The following CTU1 variants were observed in gnomAD, a reference collection of about 807,000 sequenced individuals.
The protein encoded by CTU1 is cytosolic thiouridylase subunit 1.
A neutral mutation model predicts 12.9 loss-of-function variants in CTU1; 15 were observed. The observed-to-expected ratio is 1.16, with a 90% CI of 0.78 to 1.79. CTU1 has a LOEUF of 1.79. Ranked by LOEUF, CTU1 falls within the 40% of genes most tolerant of loss-of-function variation. CTU1 has a pLI of 0.00. For missense variants in CTU1, 553 were observed against 550.5 expected, an observed-to-expected ratio of 1.00 and a Z score of -0.05; for synonymous variants, 295 against 275.6, an observed-to-expected ratio of 1.07 and a Z score of -0.70.
At position 51,104,579 on chromosome 19, in the gene CTU1, G is replaced by A; in HGVS notation, c.-10C>T. 8.0e-7 allele frequency: 1 copy of A among 1,246,536 alleles called. No individual in the cohort carries two copies. Among genetic ancestry groups the A allele is most frequent in the South Asian group, 3.4e-5 (1 of 29,830 alleles). 77.2% of individuals were successfully genotyped at this position (1,246,536 alleles called of 1,614,324 possible). On this transcript the variant is annotated 5_prime_UTR_variant, in exon 2 of 3. Transcript: ENST00000421832. Reference sequence around the variant, plus strand: ...ACGGCGGGGCGGGCATTGCGGGAGGGGTCGGCTTCTCCTAGACAGGGAGAG... The same window carrying A: ...ACGGCGGGGCGGGCATTGCGGGAGGAGTCGGCTTCTCCTAGACAGGGAGAG...
At position 51,104,199 on chromosome 19, in the gene CTU1, C is replaced by G; in HGVS notation, c.371G>C (p.Gly124Ala). Residue 124 changes from glycine (G) to alanine (A), a missense_variant, in exon 2 of 3, where the codon GGC (glycine) becomes GCC (alanine). Transcript: ENST00000421832. The part of the protein sequence containing the change: ...TVVAYEDLFG[G>A]WTMDAVARST... ...GCGGGCCACGGCGTCCATCGTCCAG[C>G]CCCCAAAGAGGTCTTCGTAGGCCAC... 1 of 1,522,522 alleles carries G rather than the reference C, an allele frequency of 6.6e-7. No homozygotes were observed. Among genetic ancestry groups the G allele is most frequent in the Non-Finnish European group, 8.8e-7 (1 of 1,141,020 alleles). The allele number at this position is 1,522,522 out of a possible 1,614,324, so 94.3% of individuals were successfully genotyped here.
At chr19:51,101,989 C>T (rs2091908033) in intron 2 of CTU1, among the ~76,000 whole-genome samples, 1 of 152,122 alleles carries the variant, frequency 6.6e-6, no homozygotes, top group Non-Finnish European at 1.5e-5. Context: ...CTTTAAAATC[C>T]GAGGCAGCCT....
chr19:51,105,301 T>C (rs1227285072), intron 1 of CTU1, among the ~76,000 whole-genome samples: 1 of 152,106 alleles, frequency 6.6e-6, no homozygotes, highest in Non-Finnish European at 1.5e-5. Context: ...GCCTCCAAGA[T>C]TGAACTCAAC....
Position 51,105,412 on chromosome 19 carries a change from T to C in CTU1, c.-21-822A>G, listed in dbSNP as rs185137755. Among the ~76,000 whole-genome samples the C allele has an allele frequency of 7.2e-5, 11 of 152,072 alleles. No individual in the cohort carries two copies. The East Asian group carries it at 2.1e-3, about 29-fold the overall frequency. ...ATCTGTTATCTTTCCTACTTCATTC[T>C]TCCCCACCCAGCCTAGACTCCAACC... On this transcript the variant is annotated intron_variant, in intron 1 of 2. Coordinates refer to ENST00000421832, the MANE Select transcript of CTU1 (RefSeq NM_145232.4).
In CTU1 at chr19:51,102,534, T is replaced by C. The variant is rs1231406384; in HGVS notation, c.508+1528A>G. On this transcript the variant is annotated intron_variant, in intron 2 of 2. Coordinates refer to ENST00000421832, the MANE Select transcript of CTU1 (RefSeq NM_145232.4). The stretch of plus-strand genomic sequence containing the variant: ...CTTCATATGCTTTCAGTGTGCTGAT[T>C]CTCTCCAACCATCATCTCTCACCTC... 2.6e-5 allele frequency among the ~76,000 whole-genome samples: 4 copies of C among 152,192 alleles called. No homozygotes were observed. In the East Asian group the frequency reaches 7.7e-4, roughly 29 times the overall value.
In CTU1 at chr19:51,098,823, C is replaced by T. The variant is rs2091898740; in HGVS notation, c.825G>A (p.Leu275=). ...DLVHSAERLA[L]APAARPPRPG... The stretch of plus-strand genomic sequence containing the variant: ...GGCGCGGGGGCCGCGCGGCCGGGGC[C>T]AGCGCCAGGCGCTCGGCCGAGTGCA... Residue 275 remains leucine, a synonymous_variant, in exon 3 of 3, where the codon CTG becomes CTA. Coordinates refer to ENST00000421832, the MANE Select transcript of CTU1 (RefSeq NM_145232.4). This position sits in a 1 kb window ranked among gnomAD's most constrained non-coding sequence, Gnocchi z 4.3. 1.8e-6 allele frequency: 2 copies of T among 1,104,226 alleles called. No individual in the cohort carries two copies. Among genetic ancestry groups the T allele is most frequent in the Non-Finnish European group, 2.2e-6 (2 of 905,316 alleles). The allele number at this position is 1,104,226 out of a possible 1,614,324, so 68.4% of individuals were successfully genotyped here. A position where few individuals can be genotyped will look rare whatever the true frequency, so the allele number is the denominator to read the frequency against.
intron 1 of CTU1, among the ~76,000 whole-genome samples, chr19:51,107,309 A>T (rs913727139): frequency 5.3e-5 from 8 of 152,160 alleles, no homozygotes; most frequent in Admixed American, 2.0e-4. Flanking sequence ...AAAATAAATA[A>T]ATAAATTAGC....
rs1026519079 is a variant in CTU1 at position 51,104,424 on chromosome 19, G to A, written c.146C>T (p.Pro49Leu). 5.3e-5 allele frequency: 65 copies of A among 1,221,228 alleles called. No individual in the cohort carries two copies. The highest frequency in any genetic ancestry group is 5.6e-5 in the Non-Finnish European group (55 of 979,092). 75.6% of individuals were successfully genotyped at this position (1,221,228 alleles called of 1,614,324 possible). A position where few individuals can be genotyped will look rare whatever the true frequency, so the allele number is the denominator to read the frequency against. The change falls in exon 2 of 3, where the codon CCG (proline) becomes CTG (leucine). Residue 49 changes from proline to leucine, a missense_variant. By Grantham distance (98) the Pro-to-Leu change is moderately conservative. Around this residue, in one of 2 missense-constraint regions of CTU1, gnomAD observed 500 missense variants for 458.5 expected, o/e 1.09. Transcript: ENST00000421832. ...LHTVLAGRLLPPGAVVAVGAS... is the reference protein window; with the variant it reads ...LHTVLAGRLLLPGAVVAVGAS... The stretch of plus-strand genomic sequence containing the variant: ...GCCCACGGCCACCACCGCGCCGGGC[G>A]GCAGCAGGCGGCCGGCGAGCACCGT...
chr19:51,104,008 G>T, intron 2 of CTU1, 54 bp downstream of exon 2: 1 of 1,389,920 alleles, frequency 7.2e-7, no homozygotes, highest in Non-Finnish European at 9.3e-7. Context: ...CCTCGCCTGT[G>T]CATTCGCCCC....
Position 51,104,140 on chromosome 19 carries a change from A to T in CTU1, c.430T>A (p.Cys144Ser). The change falls in exon 2 of 3, where the codon TGC (cysteine) becomes AGC (serine). Residue 144 changes from cysteine (C) to serine (S), a missense_variant. Cys to Ser is a moderately radical substitution (Grantham distance 112). Transcript: ENST00000421832. ...TAGSGRSRSC[C>S]TFCGVLRRRA... ...CGCCGCAGCACTCCACAGAAGGTGC[A>T]GCAGGAGCGGCTGCGGCCGGAGCCG... 2.0e-6 allele frequency: 3 copies of T among 1,517,664 alleles called. No individual in the cohort carries two copies. The highest frequency in any genetic ancestry group is 2.6e-6 in the Non-Finnish European group (3 of 1,145,072). The allele number at this position is 1,517,664 out of a possible 1,614,324, so 94.0% of individuals were successfully genotyped here.
Position 51,097,687 on chromosome 19 carries a change from T to TG in CTU1, c.*913dup, listed in dbSNP as rs67122841. ...CAGTGGTGCCTTGATGCGGGGGGGA[T>TG]GGGGGGGCGGGGGGGAAGGGGGCTG... On this transcript the variant is annotated 3_prime_UTR_variant, in exon 3 of 3. Transcript: ENST00000421832. The TG allele has an allele frequency of 6.2e-5, 3 of 48,568 alleles. No homozygotes were observed. The highest frequency in any genetic ancestry group is 9.8e-4 in the South Asian group (1 of 1,016). 3.0% of individuals were successfully genotyped at this position (48,568 alleles called of 1,614,324 possible). A position where few individuals can be genotyped will look rare whatever the true frequency, so the allele number is the denominator to read the frequency against.
intron 1 of CTU1, among the ~76,000 whole-genome samples, chr19:51,107,636 G>A (rs987943285): frequency 6.6e-6 from 1 of 152,162 alleles, no homozygotes; most frequent in Non-Finnish European, 1.5e-5. Context: ...ACTTGTATAA[G>A]ACTGATTGGA....
chr19:51,098,600 G>A lies in CTU1; in HGVS notation c.*1C>T, dbSNP rs2091897260. On this transcript the variant is annotated 3_prime_UTR_variant, in exon 3 of 3. Transcript: ENST00000421832. This position sits in a 1 kb window ranked among gnomAD's most constrained non-coding sequence, Gnocchi z 4.3. ...AGATCCCGGCGGGAGGCCCGAAGTC[G>A]CTAGAAGGTGGGGACGGCCTTGGAG... 1.6e-6 allele frequency: 2 copies of A among 1,287,974 alleles called. No individual in the cohort carries two copies. The highest frequency in any genetic ancestry group is 2.0e-6 in the Non-Finnish European group (2 of 1,015,276). 79.8% of individuals were successfully genotyped at this position (1,287,974 alleles called of 1,614,324 possible).
At chr19:51,100,961 T>G (rs1484954136) in intron 2 of CTU1, among the ~76,000 whole-genome samples, 1 of 129,038 alleles carries the variant, frequency 7.7e-6, no homozygotes, top group African/African-American at 2.9e-5. Flanking sequence ...GTGTGTGTGT[T>G]TGAGACAGGG....
chr19:51,106,708 C>T (rs1052346109), intron 1 of CTU1, among the ~76,000 whole-genome samples: 4 of 144,744 alleles, frequency 2.8e-5, no homozygotes, highest in Admixed American at 1.4e-4. Flanking sequence ...AGTAGAGATG[C>T]GGTTTCACCA....
intron 2 of CTU1, 86 bp downstream of exon 2, chr19:51,103,976 A>C (rs1351733285): frequency 7.7e-7 from 1 of 1,290,642 alleles, no homozygotes; most frequent in Non-Finnish European, 1.0e-6. Context: ...CATGCGCCTG[A>C]ATCCCCTTTC....
rs758851377 is a variant in CTU1, at chr19:51,104,149, GGCTGCGGCCGGAGCCGGCTGT to G, written c.400_420del (p.Thr134_Ser140del). 8 of 1,514,650 alleles carry G rather than the reference GGCTGCGGCCGGAGCCGGCTGT, an allele frequency of 5.3e-6. No individual in the cohort carries two copies. The highest frequency in any genetic ancestry group is 6.1e-6 in the Non-Finnish European group (7 of 1,141,796). 93.8% of individuals were successfully genotyped at this position (1,514,650 alleles called of 1,614,324 possible). On this transcript the variant is annotated inframe_deletion, in exon 2 of 3. Coordinates refer to ENST00000421832, the MANE Select transcript of CTU1 (RefSeq NM_145232.4). ...ACTCCACAGAAGGTGCAGCAGGAGC[GGCTGCGGCCGGAGCCGGCTGT>G]GCTGCGGGCCACGGCGTCCATCGTC...
intron 1 of CTU1, among the ~76,000 whole-genome samples, chr19:51,106,944 C>T (rs1599808732): frequency 6.6e-6 from 1 of 152,132 alleles, no homozygotes; most frequent in Non-Finnish European, 1.5e-5. Flanking sequence ...ATTTCTTCCT[C>T]GAAAGGCAGA....
chr19:51,104,250 G>A lies in CTU1; in HGVS notation c.320C>T (p.Ala107Val), dbSNP rs17855403. 0.14 allele frequency: 203,533 copies of A among 1,505,422 alleles called. 14,621 individuals are homozygous for A. Among genetic ancestry groups the A allele is most frequent in the East Asian group, 0.23 (8,799 of 37,768 alleles). 93.3% of individuals were successfully genotyped at this position (1,505,422 alleles called of 1,614,324 possible). ...GACCGTGAGCGGCAGCTCCCAGCGC[G>A]CCGCCTGGCGCCGCACGGCCGCCAA... Reference protein sequence around the residue: ...AALAAVRRQAARWELPLTVVA... With the variant: ...AALAAVRRQAVRWELPLTVVA... Residue 107 changes from alanine (A) to valine (V), a missense_variant, in exon 2 of 3, where the codon GCG becomes GTG. Around this residue, in one of 2 missense-constraint regions of CTU1, gnomAD observed 500 missense variants for 458.5 expected, o/e 1.09. Coordinates refer to ENST00000421832, the MANE Select transcript of CTU1 (RefSeq NM_145232.4).
Sources: allele counts gnomAD v4.1 joint callset (sites outside exome capture counted in the v4.1 genomes callset), GRCh38; gene constraint gnomAD v4.1.1; regional missense constraint gnomAD v4.1.1; non-coding constraint Gnocchi (gnomAD v3.1); transcripts MANE v1.5; gene names NCBI Gene and HGNC (gene_info 2026-07-23, HGNC 2026-07-21).